NCK2: variants seen among roughly 807,000 people sequenced by gnomAD.
NCK2 encodes the protein cytoplasmic protein NCK2.
In NCK2, 16 loss-of-function variants were observed where a neutral mutation model predicts 33.9. The observed-to-expected ratio is 0.47, with a 90% CI of 0.32 to 0.72. The LOEUF (loss-of-function observed/expected upper bound fraction) is 0.72, where lower values mean the gene tolerates loss of function less well. Ranked by LOEUF, NCK2 falls within the 30% of genes least tolerant of loss-of-function variation. The pLI is 0.03. For synonymous variants in NCK2, 273 were observed against 239.9 expected (o/e 1.14, Z -1.27); for missense variants, 418 against 537.3 (o/e 0.78, Z 2.19).
chr2:105,829,595 G>A (rs945002858), intron 2 of NCK2, among the ~76,000 whole-genome samples: 18 of 152,042 alleles, frequency 1.2e-4, no homozygotes, highest in Admixed American at 9.2e-4. Context: ...TTGAGGAGTC[G>A]GGTATTTTTT....
rs1286901629 is a variant in NCK2, at chr2:105,835,387, A to ATG, written c.-17+18774_-17+18775insTG. Among the ~76,000 whole-genome samples the ATG allele has an allele frequency of 1.1e-3, 47 of 43,074 alleles. 6 individuals are homozygous for ATG. The highest frequency in any genetic ancestry group is 4.0e-3 in the African/African-American group (47 of 11,838). The allele number at this position is 43,074 out of a possible 152,430, so 28.3% of individuals were successfully genotyped here. A position where few individuals can be genotyped will look rare whatever the true frequency, so the allele number is the denominator to read the frequency against. Reference sequence around the variant, plus strand: ...TTTATATATATATACATATATATACACATATATATATATATATACGTGTAT... The same window carrying ATG: ...TTTATATATATATACATATATATACATGCATATATATATATATATACGTGTAT... On this transcript the variant is annotated intron_variant, in intron 2 of 4. Coordinates refer to ENST00000233154, the MANE Select transcript of NCK2 (RefSeq NM_003581.5).
intron 2 of NCK2, among the ~76,000 whole-genome samples, chr2:105,827,661 T>G (rs1422403522): frequency 6.6e-6 from 1 of 152,262 alleles, no homozygotes; most frequent in East Asian, 1.9e-4. Context: ...GAGTGTCTTC[T>G]ATCTTTTAAT....
intron 2 of NCK2, among the ~76,000 whole-genome samples, chr2:105,853,254 A>G (rs926694097): frequency 2.6e-5 from 4 of 152,192 alleles, no homozygotes; most frequent in Non-Finnish European, 5.9e-5. Flanking sequence ...TTCATCTTCT[A>G]CCTAAGAAGT....
At chr2:105,892,861 AG>A in intron 4 of NCK2, 120 bp from the exon 5 acceptor site, 2 of 749,506 alleles carry the variant, frequency 2.7e-6, no homozygotes, top group Non-Finnish European at 4.1e-6. Flanking sequence ...AAAAAAAAAA[AG>A]CAGAGACCCA....
rs138350009 is a variant in NCK2 at position 105,868,043 on chromosome 2, G to A, written c.226+12754G>A. ...TCCTGGAAGCAGGTATGAGGCTACT[G>A]AGAGAGCGCTCGTTTACTGGCTTGA... On this transcript the variant is annotated intron_variant, in intron 3 of 4. Transcript: ENST00000233154. Among the ~76,000 whole-genome samples, 646 of 152,222 alleles carry A rather than the reference G, an allele frequency of 4.2e-3. 2 individuals are homozygous for A. The highest frequency in any genetic ancestry group is 0.014 in the African/African-American group (587 of 41,532).
At chr2:105,810,451 G>T (rs1320099152) in intron 1 of NCK2, among the ~76,000 whole-genome samples, 1 of 152,122 alleles carries the variant, frequency 6.6e-6, no homozygotes, top group Non-Finnish European at 1.5e-5. Context: ...AAAAAGGGGG[G>T]TTTGCACAGT....
chr2:105,891,575 T>C (rs1678986662), intron 4 of NCK2, among the ~76,000 whole-genome samples: 1 of 103,610 alleles, frequency 9.7e-6, no homozygotes, highest in Non-Finnish European at 2.0e-5. Flanking sequence ...TTTTGAGATT[T>C]TTCGCTCTTG....
intron 3 of NCK2, among the ~76,000 whole-genome samples, chr2:105,864,080 C>G (rs1677654256): frequency 1.3e-5 from 2 of 151,870 alleles, no homozygotes; most frequent in Admixed American, 6.6e-5. Flanking sequence ...CTGGGGTGAG[C>G]AAGAGGGCTG....
At chr2:105,885,355 A>G (rs1049282940) in intron 4 of NCK2, among the ~76,000 whole-genome samples, 1 of 152,228 alleles carries the variant, frequency 6.6e-6, no homozygotes, top group East Asian at 1.9e-4. Flanking sequence ...TTTAATGCAC[A>G]TATTTGTTTC....
intron 2 of NCK2, chr2:105,846,716 A>G (rs913594523): frequency 6.6e-6 from 1 of 152,218 alleles, no homozygotes; most frequent in Non-Finnish European, 1.5e-5. Context: ...ACCCTTGTGT[A>G]CTGTTGGTGG....
chr2:105,794,045 ATTTTTT>A (rs554091969), intron 1 of NCK2, among the ~76,000 whole-genome samples: 1 of 109,556 alleles, frequency 9.1e-6, no homozygotes, highest in Non-Finnish European at 2.0e-5. Flanking sequence ...GTATCTTTCG[ATTTTTT>A]TTTTTTTTTT....
chr2:105,836,204 A>G (rs989844003), intron 2 of NCK2, among the ~76,000 whole-genome samples: 1 of 151,074 alleles, frequency 6.6e-6, no homozygotes, highest in Non-Finnish European at 1.5e-5. Context: ...TTGTATCTGT[A>G]CGTTGATATC....
In NCK2 at chr2:105,868,405, C is replaced by T. The variant is rs149538870; in HGVS notation, c.227-12923C>T. 4.2e-3 allele frequency among the ~76,000 whole-genome samples: 647 copies of T among 152,248 alleles called. 2 individuals are homozygous for T. Among genetic ancestry groups the T allele is most frequent in the African/African-American group, 0.014 (587 of 41,556 alleles). On this transcript the variant is annotated intron_variant, in intron 3 of 4. Transcript: ENST00000233154. ...ATAAGTTAAAGGCTGGGGTGGCCTG[C>T]GTTCCTTCCTGGAAGCAGGCCGTGC...
chr2:105,873,650 A>G (rs1409899447), intron 3 of NCK2, among the ~76,000 whole-genome samples: 1 of 151,842 alleles, frequency 6.6e-6, no homozygotes, highest in Non-Finnish European at 1.5e-5. Flanking sequence ...GGCTGGGGGA[A>G]GGGTGGTTTT....
At position 105,861,513 on chromosome 2, in the gene NCK2, C is replaced by CTT. The variant is rs35044148; in HGVS notation, c.226+6242_226+6243dup. On this transcript the variant is annotated intron_variant, in intron 3 of 4. Coordinates refer to ENST00000233154, the MANE Select transcript of NCK2 (RefSeq NM_003581.5). ...CTATTGGTGCCGTTGAGGTTTTTCTCTTTTTTTTTTTTTTTTTTTGAGACG... is the reference window on the plus strand; with the variant it reads ...CTATTGGTGCCGTTGAGGTTTTTCTCTTTTTTTTTTTTTTTTTTTTTGAGACG... Among the ~76,000 whole-genome samples, 63 of 114,454 alleles carry CTT rather than the reference C, an allele frequency of 5.5e-4. 2 individuals carry two copies. The highest frequency in any genetic ancestry group is 1.8e-3 in the African/African-American group (51 of 28,452). The allele number at this position is 114,454 out of a possible 152,430, so 75.1% of individuals were successfully genotyped here.
chr2:105,881,574 G>T lies in NCK2; in HGVS notation c.473G>T (p.Gly158Val). Residue 158 changes from glycine (G) to valine (V), a missense_variant, in exon 4 of 5, where the codon GGC becomes GTC. Transcript: ENST00000233154. ...WWRGSYNGQI[G>V]WFPSNYVLEE... ...CGGGGCAGCTACAACGGGCAGATCG[G>T]CTGGTTCCCCTCCAACTACGTCTTG... 1 of 1,613,858 alleles carries T rather than the reference G, an allele frequency of 6.2e-7. No individual in the cohort carries two copies. Among genetic ancestry groups the T allele is most frequent in the Non-Finnish European group, 8.5e-7 (1 of 1,180,012 alleles).
intron 3 of NCK2, 120 bp from the exon 4 acceptor site, chr2:105,881,207 TG>T (rs1678462421): frequency 1.9e-5 from 26 of 1,348,640 alleles, no homozygotes; most frequent in Non-Finnish European, 2.4e-5. Context: ...TTGTAAGCAC[TG>T]TCCATGTGTC....
intron 2 of NCK2, among the ~76,000 whole-genome samples, chr2:105,819,059 G>A (rs185905111): frequency 9.9e-5 from 15 of 152,216 alleles, no homozygotes; most frequent in Admixed American, 3.3e-4. Context: ...ATATTGTCCC[G>A]TTGATTTAGG....
chr2:105,851,606 G>A (rs1677071321), intron 2 of NCK2: 1 of 152,516 alleles, frequency 6.6e-6, no homozygotes, highest in Non-Finnish European at 1.5e-5. Context: ...CAGTGCTCCA[G>A]GAGTTTCAGA....
Sources: gnomAD v4.1 joint callset for allele counts (sites outside exome capture counted in the v4.1 genomes callset) on GRCh38, gnomAD v4.1.1 for gene constraint, MANE v1.5 for transcripts, NCBI Gene and HGNC (gene_info 2026-07-23, HGNC 2026-07-21) for gene names.